SMARCA2: variants seen among roughly 807,000 people sequenced by gnomAD.
SMARCA2 encodes SWI/SNF-related matrix-associated actin-dependent regulator of chromatin subfamily A member 2.
Under a neutral mutation model 199.8 loss-of-function variants are expected in SMARCA2, and 61 were observed. The observed-to-expected ratio is 0.31, with a 90% confidence interval of 0.25 to 0.38. The LOEUF is 0.38. Ranked by LOEUF, SMARCA2 falls within the 10% of genes least tolerant of loss-of-function variation. The probability of loss-of-function intolerance (pLI) is 1.00; values close to 1 mark genes in which losing one functional copy is unlikely to be tolerated. For synonymous variants in SMARCA2, 935 were observed against 732.0 expected (o/e 1.28, Z -4.48); for missense variants, 1,344 against 2,012.2 (o/e 0.67, Z 6.35).
intron 4 of SMARCA2, chr9:2,040,351 G>A (rs564259590): frequency 4.7e-6 from 1 of 214,520 alleles, no homozygotes; most frequent in South Asian, 1.7e-4. Flanking sequence ...AGGCTTACAA[G>A]AAGCATGCCT....
chr9:2,073,166 G>A (rs760860613), intron 10 of SMARCA2, 46 bp from the exon 11 acceptor site: 57 of 1,610,630 alleles, frequency 3.5e-5, no homozygotes, highest in Non-Finnish European at 4.7e-5. Context: ...AGGACTGGGG[G>A]AAGGTCTTAA....
intron 10 of SMARCA2, among the ~76,000 whole-genome samples, chr9:2,071,312 C>A (rs758175566): frequency 6.6e-6 from 1 of 152,122 alleles, no homozygotes; most frequent in Non-Finnish European, 1.5e-5. Flanking sequence ...GTTACTTAAC[C>A]ACTATAATCT....
chr9:2,024,012 C>T (rs915198185), intron 1 of SMARCA2, among the ~76,000 whole-genome samples: 4 of 152,052 alleles, frequency 2.6e-5, no homozygotes, highest in African/African-American at 9.7e-5. Flanking sequence ...TCTGATATTC[C>T]ACCTTTAACC....
At chr9:2,046,181 T>A (rs1172869870) in intron 4 of SMARCA2, 1 of 152,192 alleles carries the variant, frequency 6.6e-6, no homozygotes, top group Non-Finnish European at 1.5e-5. Context: ...TTTAAAAAAA[T>A]TTAACTCATC....
chr9:2,015,549 A>T (rs1482964548), intron 1 of SMARCA2, 145 bp downstream of exon 1: 4 of 152,222 alleles, frequency 2.6e-5, no homozygotes, highest in African/African-American at 9.7e-5. Flanking sequence ...TGTGCATGCA[A>T]GGAGACCAAA....
At chr9:2,025,127 G>A (rs571067839) in intron 1 of SMARCA2, among the ~76,000 whole-genome samples, 97 of 152,298 alleles carry the variant, frequency 6.4e-4, no homozygotes, top group African/African-American at 2.2e-3. Context: ...GGTGTTTGGA[G>A]CTCTGGCAAG....
At chr9:2,181,944 C>T (rs1351626354) in intron 30 of SMARCA2, among the ~76,000 whole-genome samples, 197 bp from the exon 31 acceptor site, 1 of 152,160 alleles carries the variant, frequency 6.6e-6, no homozygotes, top group Non-Finnish European at 1.5e-5. Flanking sequence ...TATGCTCCTC[C>T]TTGGCAAAAG....
At chr9:2,099,226 A>T (rs1296083125) in intron 21 of SMARCA2, among the ~76,000 whole-genome samples, 1 of 152,178 alleles carries the variant, frequency 6.6e-6, no homozygotes, top group South Asian at 2.1e-4. Context: ...TGGTGGGTGT[A>T]TGTTGGGTTT....
chr9:2,054,720 T>C lies in SMARCA2; in HGVS notation c.1170T>C (p.Arg390=). Residue 390 remains arginine, a synonymous_variant, in exon 6 of 34, where the codon CGT becomes CGC. Coordinates refer to ENST00000349721, the MANE Select transcript of SMARCA2 (RefSeq NM_003070.5). ...CACTTCGGTTACTCAATTTCCAGCGTCAGGTAATACATTTTCCCCAGTGAA... is the reference window on the plus strand; with the variant it reads ...CACTTCGGTTACTCAATTTCCAGCGCCAGGTAATACATTTTCCCCAGTGAA... The part of the protein sequence containing the change: ...LKALRLLNFQ[R]QLRQEVVACM... The C allele has an allele frequency of 6.2e-7, 1 of 1,614,054 alleles. No homozygotes were observed. Among genetic ancestry groups the C allele is most frequent in the Non-Finnish European group, 8.5e-7 (1 of 1,179,918 alleles).
chr9:2,188,862 G>A (rs1827678442), intron 32 of SMARCA2, among the ~76,000 whole-genome samples: 2 of 152,160 alleles, frequency 1.3e-5, no homozygotes, highest in Non-Finnish European at 2.9e-5. Context: ...TAGAAACAAA[G>A]TTCCCACTTT....
intron 27 of SMARCA2, among the ~76,000 whole-genome samples, chr9:2,142,893 T>C (rs980888188): frequency 2.0e-5 from 3 of 152,198 alleles, no homozygotes; most frequent in African/African-American, 7.2e-5. Context: ...GACTTAATTG[T>C]ATCTCACCAA....
In SMARCA2 at chr9:2,074,743, C is replaced by G. The variant is rs114364878; in HGVS notation, c.1935+1120C>G. Reference sequence around the variant, plus strand: ...TCAGCGGGGCGTGGTGACGCATGCCCGCAGTTCCAGCTACTCGGGAGGCTG... The same window carrying G: ...TCAGCGGGGCGTGGTGACGCATGCCGGCAGTTCCAGCTACTCGGGAGGCTG... On this transcript the variant is annotated intron_variant, in intron 12 of 33. Transcript: ENST00000349721. Among the ~76,000 whole-genome samples, 736 of 152,186 alleles carry G rather than the reference C, an allele frequency of 4.8e-3. 7 individuals carry two copies. Among genetic ancestry groups the G allele is most frequent in the African/African-American group, 0.017 (704 of 41,512 alleles).
intron 5 of SMARCA2, among the ~76,000 whole-genome samples, chr9:2,053,542 A>G (rs187745397): frequency 7.9e-5 from 12 of 152,096 alleles, no homozygotes; most frequent in African/African-American, 2.7e-4. Context: ...TATAACTTTT[A>G]CCTTACAGAG....
chr9:2,115,779 G>T lies in SMARCA2; in HGVS notation c.3457-43G>T. On this transcript the variant is annotated intron_variant, in intron 24 of 33. Transcript: ENST00000349721. This position sits in a 1 kb window ranked among gnomAD's most constrained non-coding sequence, Gnocchi z 6.0. ...GTGGGGTCCGGTTTTGGATGCCTAT[G>T]CCAGGCATCTCAGTCCTCATAGCAT... 1 of 1,529,892 alleles carries T rather than the reference G, an allele frequency of 6.5e-7. No homozygotes were observed. Among genetic ancestry groups the T allele is most frequent in the Non-Finnish European group, 9.0e-7 (1 of 1,108,716 alleles). 94.8% of individuals were successfully genotyped at this position (1,529,892 alleles called of 1,614,324 possible).
At chr9:2,153,699 T>G (rs1163656993) in intron 27 of SMARCA2, among the ~76,000 whole-genome samples, 1 of 152,216 alleles carries the variant, frequency 6.6e-6, no homozygotes, top group Non-Finnish European at 1.5e-5. Context: ...TTTTAATGTT[T>G]AGACATAAAT....
At chr9:2,103,496 A>G (rs1822616999) in intron 22 of SMARCA2, among the ~76,000 whole-genome samples, 1 of 152,168 alleles carries the variant, frequency 6.6e-6, no homozygotes, top group South Asian at 2.1e-4. Context: ...GCTTATTATT[A>G]TATACATGGC....
intron 23 of SMARCA2, among the ~76,000 whole-genome samples, chr9:2,109,427 T>A (rs753869340): frequency 2.0e-5 from 3 of 152,166 alleles, no homozygotes; most frequent in Non-Finnish European, 4.4e-5. Context: ...TCATCTGGAA[T>A]GCAAGAATGC....
chr9:2,130,930 CATT>C (rs1448128908), intron 27 of SMARCA2, among the ~76,000 whole-genome samples: 1 of 152,166 alleles, frequency 6.6e-6, no homozygotes, highest in Non-Finnish European at 1.5e-5. Context: ...AGGCAGTCAT[CATT>C]ATTGAGCCAG....
intron 3 of SMARCA2, among the ~76,000 whole-genome samples, chr9:2,037,595 T>C (rs1370448670): frequency 6.6e-6 from 1 of 152,198 alleles, no homozygotes; most frequent in Admixed American, 6.5e-5. Context: ...GAATCCCCAG[T>C]TGGTGGCGGT....
Sources: gnomAD v4.1 joint callset for allele counts (sites outside exome capture counted in the v4.1 genomes callset) on GRCh38, gnomAD v4.1.1 for gene constraint, Gnocchi (gnomAD v3.1) non-coding constraint, MANE v1.5 for transcripts, NCBI Gene and HGNC (gene_info 2026-07-23, HGNC 2026-07-21) for gene names.